Variants in IQANK1 observed in about 807,000 individuals in gnomAD.
IQANK1 encodes the protein IQ motif and ankyrin repeat containing 1, also known as IQ motif and ankyrin repeat domain-containing protein 1.
Under a neutral mutation model 22.6 loss-of-function variants are expected in IQANK1, and 30 were observed. The observed-to-expected ratio is 1.33, with a 90% CI of 0.99 to 1.80. IQANK1 has a LOEUF of 1.80. Among genes scored for constraint, IQANK1 ranks in the 40% most tolerant of loss-of-function variants. The pLI is 0.00. For synonymous variants in IQANK1, 122 were observed against 99.6 expected, an observed-to-expected ratio of 1.23 and a Z score of -1.34; for missense variants, 275 against 235.2, an observed-to-expected ratio of 1.17 and a Z score of -1.11.
At chr8:143,764,968 C>T (rs1473775850) in intron 3 of IQANK1, among the ~76,000 whole-genome samples, 1 of 152,210 alleles carries the variant, frequency 6.6e-6, no homozygotes, top group Non-Finnish European at 1.5e-5. Flanking sequence ...CTGCTCCTCC[C>T]TGCAGATGAA....
chr8:143,741,338 C>T (rs181540578), intron 3 of IQANK1, among the ~76,000 whole-genome samples: 101 of 152,284 alleles, frequency 6.6e-4, no homozygotes, highest in African/African-American at 2.4e-3. Flanking sequence ...GGCCACAGAG[C>T]CAGGAGCTGC....
At chr8:143,779,011 C>T (rs1819742641) in intron 7 of IQANK1, among the ~76,000 whole-genome samples, 1 of 152,196 alleles carries the variant, frequency 6.6e-6, no homozygotes, top group South Asian at 2.1e-4. Context: ...AGGTGGGCTG[C>T]CTGCCTCGGC....
intron 3 of IQANK1, among the ~76,000 whole-genome samples, chr8:143,763,852 C>A (rs1433671067): frequency 6.6e-6 from 1 of 152,154 alleles, no homozygotes; most frequent in Admixed American, 6.5e-5. Context: ...CAAACAGAAA[C>A]AAAATCCACA....
chr8:143,787,756 C>A (rs1819920627), intron 7 of IQANK1, among the ~76,000 whole-genome samples: 2 of 151,708 alleles, frequency 1.3e-5, no homozygotes, highest in African/African-American at 4.8e-5. Flanking sequence ...ACCCCACCTC[C>A]TTCCCCTCAT....
chr8:143,772,317 G>A, intron 6 of IQANK1, 40 bp from the exon 7 acceptor site: 1 of 398,734 alleles, frequency 2.5e-6, no homozygotes, highest in Non-Finnish European at 4.4e-6. Flanking sequence ...CTTCCCCCAG[G>A]GGCAAGGCCT....
chr8:143,751,457 C>T (rs1356226524), intron 3 of IQANK1, among the ~76,000 whole-genome samples: 1 of 151,324 alleles, frequency 6.6e-6, no homozygotes, highest in African/African-American at 2.4e-5. Flanking sequence ...ACTAAAAATA[C>T]AAAAATTAGT....
intron 2 of IQANK1, 84 bp downstream of exon 2, chr8:143,736,022 C>A: frequency 2.9e-6 from 2 of 680,204 alleles, no homozygotes; most frequent in Non-Finnish European, 5.4e-6. Context: ...AGAGACACCC[C>A]CTCTGAGGAG....
At chr8:143,788,552 C>T (rs1819938541) in intron 7 of IQANK1, among the ~76,000 whole-genome samples, 1 of 152,254 alleles carries the variant, frequency 6.6e-6, no homozygotes, top group Non-Finnish European at 1.5e-5. Flanking sequence ...ACTCAGGAAG[C>T]AGCAGTGGCA....
intron 3 of IQANK1, chr8:143,742,947 G>C (rs1554626803): frequency 6.6e-6 from 3 of 456,054 alleles, no homozygotes; most frequent in Non-Finnish European, 1.3e-5. Flanking sequence ...ACAGTGTCCC[G>C]GCACAGCCTA....
chr8:143,789,826 G>A lies in IQANK1; in HGVS notation c.1152G>A (p.Ala384=), dbSNP rs1176075926. The stretch of plus-strand genomic sequence containing the variant: ...AGGAGGCCCAGAAGGCCGAGGAGGC[G>A]CTGGCTATGGCCAGGCTGGAGCTTC... ...LRQEAQKAEE[A]LAMARLELRE... Residue 384 remains alanine, a synonymous_variant, in exon 11 of 14, where the codon GCG becomes GCA. Coordinates refer to ENST00000527139, the MANE Select transcript of IQANK1 (RefSeq NM_001381874.1). The A allele has an allele frequency of 4.1e-6, 5 of 1,232,184 alleles. No homozygotes were observed. Among genetic ancestry groups the A allele is most frequent in the Middle Eastern group, 3.1e-4 (1 of 3,210 alleles). The allele number at this position is 1,232,184 out of a possible 1,614,324, so 76.3% of individuals were successfully genotyped here.
In IQANK1 at chr8:143,787,322, C is replaced by T. The variant is rs554717307; in HGVS notation, c.790-1593C>T. The stretch of plus-strand genomic sequence containing the variant: ...AGATAGCACAGGGCAGTCCTCAGGC[C>T]GTGGTTAGCCTGTGGATCCATCAGG... On this transcript the variant is annotated intron_variant, in intron 7 of 13. Coordinates refer to ENST00000527139, the MANE Select transcript of IQANK1 (RefSeq NM_001381874.1). Among the ~76,000 whole-genome samples the T allele has an allele frequency of 2.0e-5, 3 of 152,258 alleles. No individual in the cohort carries two copies. In the South Asian group the frequency reaches 6.2e-4, roughly 32 times the overall value.
Position 143,771,662 on chromosome 8 carries a change from A to C in IQANK1, c.306+44A>C. ...AACAGCCGGGGGCCAGGCAGGAGGC[A>C]GGGGGAGGAAATGGCGAAGCAGGGT... On this transcript the variant is annotated intron_variant, in intron 4 of 13. Coordinates refer to ENST00000527139, the MANE Select transcript of IQANK1 (RefSeq NM_001381874.1). The surrounding 1 kb of genome is among the most constrained non-coding windows in gnomAD (Gnocchi z 6.0). The C allele has an allele frequency of 2.5e-6, 1 of 399,000 alleles. No homozygotes were observed. Among genetic ancestry groups the C allele is most frequent in the Non-Finnish European group, 4.4e-6 (1 of 226,710 alleles). 24.7% of individuals were successfully genotyped at this position (399,000 alleles called of 1,614,324 possible).
intron 7 of IQANK1, among the ~76,000 whole-genome samples, chr8:143,783,855 CCA>C (rs1819839360): frequency 6.6e-6 from 1 of 152,200 alleles, no homozygotes; most frequent in South Asian, 2.1e-4. Context: ...TCACTCTACA[CCA>C]TCAACTGTGC....
At chr8:143,737,625 C>G (rs113726595) in intron 2 of IQANK1, among the ~76,000 whole-genome samples, 2 of 152,190 alleles carry the variant, frequency 1.3e-5, no homozygotes, top group African/African-American at 2.4e-5. Context: ...GGACCCCTCC[C>G]GCCACCCCAT....
intron 7 of IQANK1, among the ~76,000 whole-genome samples, chr8:143,777,729 CCAA>C (rs1819716784): frequency 6.6e-6 from 1 of 151,516 alleles, no homozygotes; most frequent in South Asian, 2.1e-4. Flanking sequence ...AGCTAATAAG[CCAA>C]CAAAAGAGAT....
At chr8:143,751,678 AAAATCC>A (rs1819197039) in intron 3 of IQANK1, among the ~76,000 whole-genome samples, 4 of 139,158 alleles carry the variant, frequency 2.9e-5, no homozygotes, top group Admixed American at 7.6e-5. Context: ...ATATATATAT[AAAATCC>A]TATACAAAAC....
chr8:143,736,441 G>T (rs545304917), intron 2 of IQANK1, among the ~76,000 whole-genome samples: 1 of 152,194 alleles, frequency 6.6e-6, no homozygotes, highest in African/African-American at 2.4e-5. Context: ...CACATGCCCG[G>T]CCAAGCCTGA....
intron 7 of IQANK1, among the ~76,000 whole-genome samples, chr8:143,782,364 G>A (rs1819810831): frequency 6.6e-6 from 1 of 152,200 alleles, no homozygotes; most frequent in African/African-American, 2.4e-5. Context: ...GGAGTGATGG[G>A]AGAGAGCATC....
chr8:143,743,730 A>T, intron 3 of IQANK1: 1 of 327,566 alleles, frequency 3.1e-6, no homozygotes, highest in Non-Finnish European at 6.0e-6. Context: ...GTGCATATTT[A>T]AAAAATGATT....
Sources: gnomAD v4.1 joint callset for allele counts (sites outside exome capture counted in the v4.1 genomes callset) on GRCh38, gnomAD v4.1.1 for gene constraint, Gnocchi (gnomAD v3.1) non-coding constraint, MANE v1.5 for transcripts, NCBI Gene and HGNC (gene_info 2026-07-23, HGNC 2026-07-21) for gene names.